DNAJC5: variants seen among roughly 807,000 people sequenced by gnomAD.
DNAJC5 encodes dnaJ homolog subfamily C member 5.
Under a neutral mutation model 23.2 loss-of-function variants are expected in DNAJC5, and 1 was observed. The observed-to-expected ratio is 0.04, with a 90% CI of 0.02 to 0.20. The LOEUF (loss-of-function observed/expected upper bound fraction) is 0.20. DNAJC5 is among the 10% of genes least tolerant of loss of function. DNAJC5 has a pLI of 1.00. For missense variants in DNAJC5, 180 were observed against 267.0 expected (o/e 0.67, Z 2.27); for synonymous variants, 136 against 120.0 (o/e 1.13, Z -0.87).
At chr20:63,915,015 T>C (rs952762420) in intron 1 of DNAJC5, among the ~76,000 whole-genome samples, 1 of 152,174 alleles carries the variant, frequency 6.6e-6, no homozygotes, top group African/African-American at 2.4e-5. Flanking sequence ...GGAGAGCCCC[T>C]GATAGGCCTC....
At chr20:63,904,244 A>G (rs1384725406) in intron 1 of DNAJC5, among the ~76,000 whole-genome samples, 2 of 152,146 alleles carry the variant, frequency 1.3e-5, no homozygotes, top group African/African-American at 4.8e-5. Context: ...AAGCACAAAT[A>G]ATGTCATCAT....
rs538543889 is a variant in DNAJC5 at position 63,931,056 on chromosome 20, T to G, written c.493+34T>G. On this transcript the variant is annotated intron_variant, in intron 4 of 4. Transcript: ENST00000360864. The surrounding 1 kb of genome is among the most constrained non-coding windows in gnomAD (Gnocchi z 9.6). ...CCGCCCCAGGGCCCGTGTGTGTGTG[T>G]GGGGCAGAGCCAGAATGGGCCCTGA... 230 of 1,596,376 alleles carry G rather than the reference T, an allele frequency of 1.4e-4. 1 individual carries two copies. The highest frequency in any genetic ancestry group is 4.4e-4 in the African/African-American group (33 of 74,704).
Position 63,933,894 on chromosome 20 carries a change from C to G in DNAJC5, c.*2326C>G. ...GTGGGCCCCTTGCCAGGTGGCTTTT[C>G]AGTTACAGAGTCCAGTGGACCATTT... On this transcript the variant is annotated 3_prime_UTR_variant, in exon 5 of 5. Coordinates refer to ENST00000360864, the MANE Select transcript of DNAJC5 (RefSeq NM_025219.3). The G allele has an allele frequency of 6.6e-6, 1 of 152,460 alleles. No homozygotes were observed. The highest frequency in any genetic ancestry group is 1.9e-4 in the East Asian group (1 of 5,338). 9.4% of individuals were successfully genotyped at this position (152,460 alleles called of 1,614,324 possible).
In DNAJC5 at chr20:63,918,706, C is replaced by T. The variant is rs750787332; in HGVS notation, c.-11-9629C>T. 1.7e-4 allele frequency among the ~76,000 whole-genome samples: 26 copies of T among 152,258 alleles called. No homozygotes were observed. The East Asian group carries it at 3.7e-3, about 22-fold the overall frequency. The stretch of plus-strand genomic sequence containing the variant: ...TACCTCCCAGGTTTACACCATTCTC[C>T]GCCTCAGCCTCCCGAGTAGCTGGGA... On this transcript the variant is annotated intron_variant, in intron 1 of 4. Coordinates refer to ENST00000360864, the MANE Select transcript of DNAJC5 (RefSeq NM_025219.3).
rs140948457 is a variant in DNAJC5, at chr20:63,929,336, C to T, written c.132C>T (p.Pro44=). ...SYRKLALKYH[P]DKNPDNPEAA... ...GGAAGCTTGCCTTGAAATATCACCC[C>T]GACAAGAACCCCGACAACCCGGAGG... The change falls in exon 3 of 5, where the codon CCC becomes CCT. Residue 44 remains proline (P), a synonymous_variant. Coordinates refer to ENST00000360864, the MANE Select transcript of DNAJC5 (RefSeq NM_025219.3). The surrounding 1 kb of genome is among the most constrained non-coding windows in gnomAD (Gnocchi z 8.6). The T allele has an allele frequency of 5.3e-4, 859 of 1,613,998 alleles. 4 individuals are homozygous for T. The African/African-American group carries it at 0.01, about 19-fold the overall frequency.
chr20:63,901,291 T>TA (rs755326513), intron 1 of DNAJC5, among the ~76,000 whole-genome samples: 1 of 152,218 alleles, frequency 6.6e-6, no homozygotes, highest in Non-Finnish European at 1.5e-5. Flanking sequence ...CTGTGCCTGT[T>TA]ATGAAATCAT....
At chr20:63,899,028 G>A (rs1015536689) in intron 1 of DNAJC5, among the ~76,000 whole-genome samples, 2 of 152,138 alleles carry the variant, frequency 1.3e-5, no homozygotes, top group Non-Finnish European at 2.9e-5. Context: ...GCCTTCCTTC[G>A]TGAAAGAGGA....
At chr20:63,930,468 C>T (rs958653253) in intron 3 of DNAJC5, among the ~76,000 whole-genome samples, 3 of 152,228 alleles carry the variant, frequency 2.0e-5, no homozygotes, top group Admixed American at 1.3e-4. Context: ...CTGCCTCTGC[C>T]TCCCGAGTGG....
chr20:63,926,766 C>G (rs2053619765), intron 1 of DNAJC5, among the ~76,000 whole-genome samples: 1 of 152,234 alleles, frequency 6.6e-6, no homozygotes, highest in African/African-American at 2.4e-5. Flanking sequence ...CTCACCTGCA[C>G]AGGGCAGCGC....
At chr20:63,911,901 C>T (rs995405844) in intron 1 of DNAJC5, among the ~76,000 whole-genome samples, 1 of 151,806 alleles carries the variant, frequency 6.6e-6, no homozygotes, top group Non-Finnish European at 1.5e-5. Context: ...AATGATCAAA[C>T]TTCTAGGTTC....
chr20:63,920,270 C>T lies in DNAJC5; in HGVS notation c.-11-8065C>T, dbSNP rs1281865329. On this transcript the variant is annotated intron_variant, in intron 1 of 4. Transcript: ENST00000360864. This position sits in a 1 kb window ranked among gnomAD's most constrained non-coding sequence, Gnocchi z 4.6. ...GGAGCAGGGCAGGGTGTTGAAGAGACGGCAGGTGCGTCAGGGGCTGACGTG... is the reference window on the plus strand; with the variant it reads ...GGAGCAGGGCAGGGTGTTGAAGAGATGGCAGGTGCGTCAGGGGCTGACGTG... 3.3e-5 allele frequency among the ~76,000 whole-genome samples: 5 copies of T among 152,226 alleles called. No individual in the cohort carries two copies. Among genetic ancestry groups the T allele is most frequent in the East Asian group, 1.9e-4 (1 of 5,194 alleles).
At chr20:63,927,297 ACCTGAGGTCGGGAGTTCAG>A (rs1333902755) in intron 1 of DNAJC5, among the ~76,000 whole-genome samples, 1 of 152,068 alleles carries the variant, frequency 6.6e-6, no homozygotes, top group Non-Finnish European at 1.5e-5. Flanking sequence ...CAGGCGGATC[ACCTGAGGTCGGGAGTTCAG>A]CCTGAGGTCG....
chr20:63,930,827 A>C, intron 3 of DNAJC5, 24 bp from the exon 4 acceptor site: 2 of 1,611,594 alleles, frequency 1.2e-6, no homozygotes, highest in Non-Finnish European at 1.7e-6. Flanking sequence ...GAGGCCATGC[A>C]ACACCACCTT....
intron 1 of DNAJC5, among the ~76,000 whole-genome samples, chr20:63,902,968 C>T (rs996872840): frequency 1.4e-4 from 21 of 152,048 alleles, no homozygotes; most frequent in Admixed American, 1.2e-3. Flanking sequence ...TGAGCCACCG[C>T]GCCCTGCCAC....
At chr20:63,895,671 G>C (rs1461187818) in intron 1 of DNAJC5, among the ~76,000 whole-genome samples, 2 of 152,012 alleles carry the variant, frequency 1.3e-5, no homozygotes. Flanking sequence ...AACCCCCCGG[G>C]GTCTCCTCTC....
intron 1 of DNAJC5, among the ~76,000 whole-genome samples, chr20:63,899,391 GTC>G (rs1161314401): frequency 6.6e-6 from 1 of 151,966 alleles, no homozygotes; most frequent in African/African-American, 2.4e-5. Context: ...TGTAGATTTT[GTC>G]TCTCATCACC....
At chr20:63,922,268 C>G (rs536551873) in intron 1 of DNAJC5, among the ~76,000 whole-genome samples, 1 of 151,802 alleles carries the variant, frequency 6.6e-6, no homozygotes, top group East Asian at 2.0e-4. Flanking sequence ...TCAAGACTAT[C>G]CTGGCCAACA....
chr20:63,913,539 G>A (rs1311843452), intron 1 of DNAJC5, among the ~76,000 whole-genome samples: 1 of 151,750 alleles, frequency 6.6e-6, no homozygotes, highest in Non-Finnish European at 1.5e-5. Context: ...TGGGACTATA[G>A]GCGTGCACTA....
chr20:63,924,296 C>G lies in DNAJC5; in HGVS notation c.-11-4039C>G, dbSNP rs75485618. Reference sequence around the variant, plus strand: ...GAGAACTGACTTCTTTATATCGAGGCTTCTAATCCGTGAACATGAGGAATC... The same window carrying G: ...GAGAACTGACTTCTTTATATCGAGGGTTCTAATCCGTGAACATGAGGAATC... On this transcript the variant is annotated intron_variant, in intron 1 of 4. Transcript: ENST00000360864. 4.5e-3 allele frequency among the ~76,000 whole-genome samples: 687 copies of G among 152,294 alleles called. 7 individuals carry two copies. The highest frequency in any genetic ancestry group is 0.016 in the African/African-American group (649 of 41,554).
Sources: gnomAD v4.1 joint callset for allele counts (sites outside exome capture counted in the v4.1 genomes callset) on GRCh38, gnomAD v4.1.1 for gene constraint, Gnocchi (gnomAD v3.1) non-coding constraint, MANE v1.5 for transcripts, NCBI Gene and HGNC (gene_info 2026-07-23, HGNC 2026-07-21) for gene names.